The following CADM2 variants were observed in gnomAD, a reference collection of about 807,000 sequenced individuals.
CADM2 encodes cell adhesion molecule 2.
Under a neutral mutation model 49.8 loss-of-function variants are expected in CADM2, and 12 were observed. The observed-to-expected ratio is 0.24, with a 90% confidence interval of 0.15 to 0.39. The LOEUF is 0.39. Ranked by LOEUF, CADM2 falls within the 10% of genes least tolerant of loss-of-function variation. CADM2 has a pLI of 1.00. For missense variants in CADM2, 378 were observed against 492.3 expected (o/e 0.77, Z 2.20); for synonymous variants, 214 against 175.4 (o/e 1.22, Z -1.74).
chr3:85,519,156 A>C (rs1386396484), intron 1 of CADM2, among the ~76,000 whole-genome samples: 1 of 151,996 alleles, frequency 6.6e-6, no homozygotes, highest in African/African-American at 2.4e-5. Flanking sequence ...TTTCATCTCT[A>C]ATTCATTTCA....
At chr3:85,639,919 T>C (rs1454267505) in intron 1 of CADM2, among the ~76,000 whole-genome samples, 1 of 152,210 alleles carries the variant, frequency 6.6e-6, no homozygotes, top group East Asian at 1.9e-4. Context: ...CTTTTTATGA[T>C]CTGAAAACTT....
intron 8 of CADM2, among the ~76,000 whole-genome samples, chr3:86,057,248 T>C (rs536486352): frequency 1.3e-5 from 2 of 152,282 alleles, no homozygotes; most frequent in South Asian, 4.1e-4. Flanking sequence ...TATAACTGTT[T>C]CTAATGTTGT....
chr3:85,582,898 T>G (rs1393224054), intron 1 of CADM2, among the ~76,000 whole-genome samples: 1 of 152,088 alleles, frequency 6.6e-6, no homozygotes, highest in Non-Finnish European at 1.5e-5. Context: ...GGTTGGCAAG[T>G]CATTTACTTA....
chr3:85,349,684 A>G (rs1353680740), intron 1 of CADM2, among the ~76,000 whole-genome samples: 1 of 152,224 alleles, frequency 6.6e-6, no homozygotes, highest in Non-Finnish European at 1.5e-5. Context: ...TCACCAACAG[A>G]AACTGTTGAT....
intron 1 of CADM2, among the ~76,000 whole-genome samples, chr3:85,083,395 A>G (rs1419885095): frequency 6.6e-6 from 1 of 152,198 alleles, no homozygotes; most frequent in Non-Finnish European, 1.5e-5. Flanking sequence ...TATTCCATGT[A>G]ACAAAGTTTA....
intron 1 of CADM2, among the ~76,000 whole-genome samples, chr3:85,021,375 A>G (rs1382849854): frequency 6.6e-6 from 1 of 152,196 alleles, no homozygotes; most frequent in African/African-American, 2.4e-5. Flanking sequence ...CTTGGAATTT[A>G]TCGAGAATGT....
intron 1 of CADM2, among the ~76,000 whole-genome samples, chr3:85,139,612 T>C (rs1229221161): frequency 6.6e-6 from 1 of 152,112 alleles, no homozygotes; most frequent in Non-Finnish European, 1.5e-5. Context: ...GTAGATTTTA[T>C]TTATAAGAAC....
chr3:85,945,770 G>T (rs1722602999), intron 7 of CADM2, among the ~76,000 whole-genome samples: 1 of 151,846 alleles, frequency 6.6e-6, no homozygotes, highest in Non-Finnish European at 1.5e-5. Flanking sequence ...GTATTGATGG[G>T]ACGTATCTCA....
chr3:85,442,632 A>G (rs1036396272), intron 1 of CADM2, among the ~76,000 whole-genome samples: 2 of 134,144 alleles, frequency 1.5e-5, no homozygotes, highest in Admixed American at 7.6e-5. Context: ...ATATATATAT[A>G]TGAATATTGC....
chr3:85,237,402 A>G (rs1200018931), intron 1 of CADM2, among the ~76,000 whole-genome samples: 3 of 151,872 alleles, frequency 2.0e-5, no homozygotes, highest in Admixed American at 1.3e-4. Context: ...GAATAATCCT[A>G]ATTTTACAGG....
In CADM2 at chr3:86,069,288, A is replaced by G. The variant is rs1266772823; in HGVS notation, c.*2505A>G. 1 of 151,944 alleles carries G rather than the reference A, an allele frequency of 6.6e-6. No individual in the cohort carries two copies. The highest frequency in any genetic ancestry group is 1.5e-5 in the Non-Finnish European group (1 of 67,872). 9.4% of individuals were successfully genotyped at this position (151,944 alleles called of 1,614,324 possible). ...TTGACTCTTTTAACCCTTCAGAGTAATATAAAATCTCATTAGAACTCTTAT... is the reference window on the plus strand; with the variant it reads ...TTGACTCTTTTAACCCTTCAGAGTAGTATAAAATCTCATTAGAACTCTTAT... On this transcript the variant is annotated 3_prime_UTR_variant, in exon 10 of 10. Transcript: ENST00000383699.
chr3:85,922,396 GT>G (rs1216898265), intron 6 of CADM2, among the ~76,000 whole-genome samples: 1 of 150,948 alleles, frequency 6.6e-6, no homozygotes, highest in East Asian at 1.9e-4. Flanking sequence ...CACTTTTTTT[GT>G]TTTATACTCT....
At chr3:85,575,332 A>C (rs2062600338) in intron 1 of CADM2, among the ~76,000 whole-genome samples, 1 of 152,198 alleles carries the variant, frequency 6.6e-6, no homozygotes, top group African/African-American at 2.4e-5. Flanking sequence ...TGGGTGGATC[A>C]CAAGGTCAGG....
chr3:85,947,515 A>G (rs545955034), intron 7 of CADM2, among the ~76,000 whole-genome samples: 9 of 151,702 alleles, frequency 5.9e-5, no homozygotes, highest in Admixed American at 3.3e-4. Context: ...CTTCAAAGAT[A>G]TAATATTGGA....
chr3:85,667,822 C>T (rs527668236), intron 1 of CADM2, among the ~76,000 whole-genome samples: 6 of 152,128 alleles, frequency 3.9e-5, no homozygotes, highest in African/African-American at 7.2e-5. Context: ...TCTCTATTTC[C>T]GCATCCATAC....
At chr3:85,772,247 A>C (rs1408414771) in intron 2 of CADM2, among the ~76,000 whole-genome samples, 1 of 152,016 alleles carries the variant, frequency 6.6e-6, no homozygotes, top group Non-Finnish European at 1.5e-5. Context: ...TCATAATATT[A>C]ACTGGTCATT....
intron 1 of CADM2, among the ~76,000 whole-genome samples, chr3:85,511,074 T>C (rs1214871344): frequency 6.6e-6 from 1 of 152,054 alleles, no homozygotes; most frequent in African/African-American, 2.4e-5. Flanking sequence ...TTTCACACGT[T>C]AGACCTTTCG....
At chr3:85,159,164 C>A (rs2040237218) in intron 1 of CADM2, among the ~76,000 whole-genome samples, 1 of 152,160 alleles carries the variant, frequency 6.6e-6, no homozygotes, top group Non-Finnish European at 1.5e-5. Context: ...AATAATTTTA[C>A]ATGATTGCAT....
intron 3 of CADM2, among the ~76,000 whole-genome samples, chr3:85,855,269 G>C (rs1457942100): frequency 6.6e-6 from 1 of 151,998 alleles, no homozygotes; most frequent in Non-Finnish European, 1.5e-5. Context: ...CTTGTCCTTT[G>C]GTCTGTCTCC....
Sources: allele counts gnomAD v4.1 joint callset (sites outside exome capture counted in the v4.1 genomes callset), GRCh38; gene constraint gnomAD v4.1.1; transcripts MANE v1.5; gene names NCBI Gene and HGNC (gene_info 2026-07-23, HGNC 2026-07-21).